NINL: variants seen among roughly 807,000 people sequenced by gnomAD.
NINL encodes the protein ninein-like protein.
Under a neutral mutation model 160.3 loss-of-function variants are expected in NINL, and 153 were observed. That is an observed-to-expected ratio of 0.95 (90% CI 0.84 to 1.09). The LOEUF (loss-of-function observed/expected upper bound fraction) is 1.09, where lower values mean the gene tolerates loss of function less well. Ranked by LOEUF, NINL falls within the 50% of genes least tolerant of loss-of-function variation. The pLI, the probability that NINL is intolerant of heterozygous loss-of-function variation, is 0.00. For missense variants in NINL, 1,829 were observed against 1,764.0 expected, an observed-to-expected ratio of 1.04 and a Z score of -0.66; for synonymous variants, 800 against 734.8, an observed-to-expected ratio of 1.09 and a Z score of -1.43.
At chr20:25,579,427 C>G (rs889009312) in intron 1 of NINL, among the ~76,000 whole-genome samples, 2 of 152,220 alleles carry the variant, frequency 1.3e-5, no homozygotes, top group African/African-American at 4.8e-5. Flanking sequence ...ACCAGGAGAC[C>G]TGAGCTCCAT....
rs2063560915 is a variant in NINL, at chr20:25,488,959, A to G, written c.1677+285T>C. 14 of 439,874 alleles carry G rather than the reference A, an allele frequency of 3.2e-5. No individual in the cohort carries two copies. In the South Asian group the frequency reaches 4.0e-4, roughly 13 times the overall value. 27.2% of individuals were successfully genotyped at this position (439,874 alleles called of 1,614,324 possible). A position where few individuals can be genotyped will look rare whatever the true frequency, so the allele number is the denominator to read the frequency against. ...CCCTGCACTCCTATGTCTCCAACTGACAGACGGACACGCATGGCAGGTTTG... is the reference window on the plus strand; with the variant it reads ...CCCTGCACTCCTATGTCTCCAACTGGCAGACGGACACGCATGGCAGGTTTG... On this transcript the variant is annotated intron_variant, in intron 13 of 23. Coordinates refer to ENST00000278886, the MANE Select transcript of NINL (RefSeq NM_025176.6).
chr20:25,573,008 A>G (rs1411602102), intron 1 of NINL, among the ~76,000 whole-genome samples: 3 of 152,138 alleles, frequency 2.0e-5, no homozygotes, highest in Admixed American at 6.6e-5. Context: ...AAAGAAATAA[A>G]AGAATAGGCC....
Position 25,491,531 on chromosome 20 carries a change from A to G in NINL, c.1311-6T>C, listed in dbSNP as rs1302391586. ...GGTACCCCTGCTCCAGATGCCTGTA[A>G]CATGTCACACATCACACGTCAGACA... is the stretch of plus-strand genomic sequence containing the variant. On this transcript the variant is annotated splice_region_variant and splice_polypyrimidine_tract_variant and intron_variant, in intron 10 of 23. Coordinates refer to ENST00000278886, the MANE Select transcript of NINL (RefSeq NM_025176.6). 27 of 1,612,266 alleles carry G rather than the reference A, an allele frequency of 1.7e-5. No homozygotes were observed. Among genetic ancestry groups the G allele is most frequent in the Non-Finnish European group, 2.0e-5 (23 of 1,178,914 alleles).
rs760840204 is a variant in NINL, at chr20:25,477,127, G to A, written c.2202-38C>T. ...AACCGTCACACACCACAGCCCTGCC[G>A]CCCCCAGCCCCTCTCTCGGGTTTGA... On this transcript the variant is annotated intron_variant, in intron 16 of 23. Transcript: ENST00000278886. 1.1e-5 allele frequency: 17 copies of A among 1,509,090 alleles called. No individual in the cohort carries two copies. The Admixed American group carries it at 1.2e-4, about 11-fold the overall frequency. 93.5% of individuals were successfully genotyped at this position (1,509,090 alleles called of 1,614,324 possible).
At chr20:25,559,919 T>C (rs2064914211) in intron 1 of NINL, among the ~76,000 whole-genome samples, 1 of 151,710 alleles carries the variant, frequency 6.6e-6, no homozygotes, top group South Asian at 2.1e-4. Context: ...GCATGATGCC[T>C]ACGGTTTACA....
chr20:25,532,896 G>A (rs1258374537), intron 1 of NINL, among the ~76,000 whole-genome samples: 3 of 152,094 alleles, frequency 2.0e-5, no homozygotes, highest in Admixed American at 1.3e-4. Flanking sequence ...GCGTCTTTCC[G>A]TAACCTCTCA....
intron 1 of NINL, among the ~76,000 whole-genome samples, chr20:25,551,046 T>C (rs1326167935): frequency 6.6e-6 from 1 of 152,238 alleles, no homozygotes; most frequent in Non-Finnish European, 1.5e-5. Flanking sequence ...CCGCAGTGCA[T>C]TGTGTCCCTG....
At chr20:25,455,211 A>C (rs2090637059) in intron 23 of NINL, among the ~76,000 whole-genome samples, 1 of 152,144 alleles carries the variant, frequency 6.6e-6, no homozygotes, top group Non-Finnish European at 1.5e-5. Flanking sequence ...ATCTGACCAA[A>C]TGCTGGCTCT....
intron 1 of NINL, among the ~76,000 whole-genome samples, chr20:25,578,418 A>AT (rs1442928854): frequency 6.6e-6 from 1 of 152,002 alleles, no homozygotes; most frequent in African/African-American, 2.4e-5. Flanking sequence ...CTGAAATGTT[A>AT]TTTCCATGGG....
intron 10 of NINL, 108 bp downstream of exon 10, chr20:25,496,555 T>G: frequency 1.4e-6 from 2 of 1,379,650 alleles, no homozygotes; most frequent in Non-Finnish European, 2.0e-6. Context: ...GGGTCTCCAC[T>G]GAGCCACACC....
intron 8 of NINL, among the ~76,000 whole-genome samples, chr20:25,498,590 A>G (rs1036567408): frequency 6.6e-6 from 1 of 152,198 alleles, no homozygotes; most frequent in African/African-American, 2.4e-5. Flanking sequence ...CCCAGGCTAG[A>G]CAGAACCCCT....
chr20:25,498,093 G>A (rs1195630180), intron 9 of NINL, 117 bp downstream of exon 9: 2 of 1,256,016 alleles, frequency 1.6e-6, no homozygotes, highest in Non-Finnish European at 2.2e-6. Context: ...CCCTGCCCCA[G>A]GACTGGCCAT....
At chr20:25,547,042 T>C (rs2064742352) in intron 1 of NINL, among the ~76,000 whole-genome samples, 1 of 152,188 alleles carries the variant, frequency 6.6e-6, no homozygotes, top group African/African-American at 2.4e-5. Context: ...CATGTGATAC[T>C]GTGGTGTGGC....
At chr20:25,524,251 C>T (rs1048745045) in intron 2 of NINL, among the ~76,000 whole-genome samples, 12 of 152,124 alleles carry the variant, frequency 7.9e-5, no homozygotes, top group East Asian at 1.9e-4. Context: ...GAGAGGTGAA[C>T]GCTAGGCATC....
chr20:25,543,705 G>C (rs1164082000), intron 1 of NINL, among the ~76,000 whole-genome samples: 4 of 152,148 alleles, frequency 2.6e-5, no homozygotes, highest in Non-Finnish European at 4.4e-5. Flanking sequence ...CTTAGCCTCT[G>C]ATTGGCTGCA....
chr20:25,477,001 G>C lies in NINL; in HGVS notation c.2290C>G (p.Pro764Ala), dbSNP rs766248313. ...RRDLTLELEE[P>A]PQGPLPRGSQ... Reference sequence around the variant, plus strand: ...CCGCGTGGCAGGGGTCCCTGCGGCGGCTCCTCCAGCTCCAAGGTCAGGTCT... The same window carrying C: ...CCGCGTGGCAGGGGTCCCTGCGGCGCCTCCTCCAGCTCCAAGGTCAGGTCT... Residue 764 changes from proline to alanine, a missense_variant, in exon 17 of 24, where the codon CCG becomes GCG. By Grantham distance (27) the Pro-to-Ala change is conservative. Coordinates refer to ENST00000278886, the MANE Select transcript of NINL (RefSeq NM_025176.6). The C allele has an allele frequency of 8.1e-6, 13 of 1,601,548 alleles. No individual in the cohort carries two copies. The East Asian group carries it at 2.2e-4, about 27-fold the overall frequency.
intron 1 of NINL, among the ~76,000 whole-genome samples, chr20:25,569,284 G>C (rs1280402808): frequency 1.3e-5 from 2 of 151,152 alleles, no homozygotes; most frequent in Non-Finnish European, 3.0e-5. Flanking sequence ...ATTAGTAATA[G>C]AAAGATACAA....
chr20:25,464,738 G>A (rs778473792), intron 19 of NINL, among the ~76,000 whole-genome samples: 7 of 152,158 alleles, frequency 4.6e-5, no homozygotes, highest in Non-Finnish European at 1.0e-4. Context: ...CATCCTTCCC[G>A]GCACAGGATC....
intron 1 of NINL, among the ~76,000 whole-genome samples, chr20:25,550,842 T>G (rs1335391894): frequency 6.6e-6 from 1 of 152,234 alleles, no homozygotes; most frequent in Non-Finnish European, 1.5e-5. Flanking sequence ...AGGAGACAGA[T>G]GCCTTCCTCT....
Sources: allele counts gnomAD v4.1 joint callset (sites outside exome capture counted in the v4.1 genomes callset), GRCh38; gene constraint gnomAD v4.1.1; transcripts MANE v1.5; gene names NCBI Gene and HGNC (gene_info 2026-07-23, HGNC 2026-07-21).